PIWIL1: variants seen among roughly 807,000 people sequenced by gnomAD.
PIWIL1 encodes piwi-like protein 1.
A neutral mutation model predicts 114.4 loss-of-function variants in PIWIL1; 73 were observed. That is an observed-to-expected ratio of 0.64 (90% confidence interval 0.53 to 0.78). The LOEUF is 0.78. PIWIL1 is among the 30% of genes least tolerant of loss of function. The pLI, the probability that PIWIL1 is intolerant of heterozygous loss-of-function variation, is 0.00. For synonymous variants in PIWIL1, 375 were observed against 369.0 expected (o/e 1.02, Z -0.19); for missense variants, 723 against 1,063.1 (o/e 0.68, Z 4.45).
At chr12:130,401,573 T>A in the PIWIL1 span, among the ~76,000 whole-genome samples, 1,904 of 151,932 alleles carry the variant, frequency 0.013, 40 homozygotes, top group African/African-American at 0.043. Flanking sequence ...GGTCCTACTC[T>A]TATTTACCTG....
rs139297271 is a variant in PIWIL1, at chr12:130,337,923, G to T, written c.-236G>T. ...TATGGCGTACAGACACGAGGCCGGC[G>T]CCCGGGAGGCGGTGTTCATCCGCCC... On this transcript the variant is annotated 5_prime_UTR_variant, in exon 1 of 21. Transcript: ENST00000245255. 3.0e-3 allele frequency: 477 copies of T among 161,006 alleles called. 3 individuals carry two copies. Among genetic ancestry groups the T allele is most frequent in the African/African-American group, 0.011 (450 of 41,624 alleles). 10.0% of individuals were successfully genotyped at this position (161,006 alleles called of 1,614,324 possible).
In PIWIL1 at chr12:130,345,160, C is replaced by A. The variant is rs527916037; in HGVS notation, c.191-593C>A. ...CACAGCTTGTAGCACTAAGCATGAA[C>A]TGATTAATCACGACCTTATTACCTA... On this transcript the variant is annotated intron_variant, in intron 3 of 20. Coordinates refer to ENST00000245255, the MANE Select transcript of PIWIL1 (RefSeq NM_004764.5). 2.0e-5 allele frequency: 3 copies of A among 152,308 alleles called. No individual in the cohort carries two copies. The South Asian group carries it at 6.2e-4, about 32-fold the overall frequency. 9.4% of individuals were successfully genotyped at this position (152,308 alleles called of 1,614,324 possible).
At chr12:130,373,657 G>A (rs1177052338), downstream of PIWIL1, among the ~76,000 whole-genome samples, 1 of 152,186 alleles carries the variant, frequency 6.6e-6, no homozygotes, top group Non-Finnish European at 1.5e-5. Flanking sequence ...TCTCAGGGGA[G>A]AGGCCAGGTG....
chr12:130,418,463 T>A, the PIWIL1 span, among the ~76,000 whole-genome samples: 1 of 152,184 alleles, frequency 6.6e-6, no homozygotes, highest in African/African-American at 2.4e-5. Context: ...TGTGGCTGCA[T>A]GAGAAGGACG....
the PIWIL1 span, among the ~76,000 whole-genome samples, chr12:130,408,430 GAGA>G: frequency 6.6e-6 from 1 of 152,234 alleles, no homozygotes; most frequent in East Asian, 1.9e-4. Context: ...AGCGGCCGTA[GAGA>G]AGATCCCAGC....
the PIWIL1 span, among the ~76,000 whole-genome samples, chr12:130,388,280 C>A: frequency 3.3e-5 from 5 of 152,082 alleles, no homozygotes; most frequent in Admixed American, 3.3e-4. Flanking sequence ...TGCCTGGCTT[C>A]TTTTTTTCCA....
At chr12:130,415,855 T>C in the PIWIL1 span, among the ~76,000 whole-genome samples, 1 of 152,162 alleles carries the variant, frequency 6.6e-6, no homozygotes. Context: ...TTCAATAAAA[T>C]TTCAGGATAC....
At chr12:130,374,030 T>G (rs923307990), downstream of PIWIL1, among the ~76,000 whole-genome samples, 5 of 152,200 alleles carry the variant, frequency 3.3e-5, no homozygotes, top group African/African-American at 1.2e-4. Context: ...TGGTGGTTCC[T>G]GAAGGAACCC....
the PIWIL1 span, among the ~76,000 whole-genome samples, chr12:130,415,751 A>C: frequency 6.6e-6 from 1 of 152,192 alleles, no homozygotes; most frequent in African/African-American, 2.4e-5. Context: ...TATAGGAAAT[A>C]AGAAGTCAAA....
Position 130,371,515 on chromosome 12 carries a change from G to A in PIWIL1, c.2503G>A (p.Ala835Thr), listed in dbSNP as rs745487305. 6 of 1,613,948 alleles carry A rather than the reference G, an allele frequency of 3.7e-6. No homozygotes were observed. The highest frequency in any genetic ancestry group is 1.7e-5 in the Admixed American group (1 of 59,988). The change falls in exon 21 of 21, where the codon GCC (alanine) becomes ACC (threonine). Residue 835 changes from alanine to threonine, a missense_variant. Physicochemically the swap from Ala to Thr is moderately conservative, Grantham distance 58. Around this residue, in one of 8 missense-constraint regions of PIWIL1, gnomAD observed 106 missense variants for 182.8 expected, o/e 0.58. Coordinates refer to ENST00000245255, the MANE Select transcript of PIWIL1 (RefSeq NM_004764.5). ...TCGTGTTCCTGCTCCTTGCCAGTAC[G>A]CCCACAAGCTGGCTTTTCTTGTTGG... is the stretch of plus-strand genomic sequence containing the variant. ...VIRVPAPCQYAHKLAFLVGQS... is the reference protein window; with the variant it reads ...VIRVPAPCQYTHKLAFLVGQS...
At chr12:130,351,301 G>A (rs931491218) in intron 9 of PIWIL1, 1 of 152,188 alleles carries the variant, frequency 6.6e-6, no homozygotes, top group African/African-American at 2.4e-5. Flanking sequence ...TGTAAGTGGT[G>A]TTTTACGTGT....
At chr12:130,408,286 T>C in the PIWIL1 span, among the ~76,000 whole-genome samples, 1 of 152,226 alleles carries the variant, frequency 6.6e-6, no homozygotes, top group Non-Finnish European at 1.5e-5. Flanking sequence ...AATCAAGTCA[T>C]GCTCCCCTAA....
At chr12:130,416,776 C>T in the PIWIL1 span, among the ~76,000 whole-genome samples, 1 of 152,066 alleles carries the variant, frequency 6.6e-6, no homozygotes, top group Non-Finnish European at 1.5e-5. Context: ...ACAGAGTGAA[C>T]AACACCCTAC....
the PIWIL1 span, among the ~76,000 whole-genome samples, chr12:130,390,317 C>T: frequency 6.6e-6 from 1 of 152,172 alleles, no homozygotes; most frequent in Non-Finnish European, 1.5e-5. Flanking sequence ...AGAAGCAGTA[C>T]TGACTACCTT....
chr12:130,342,203 A>T (rs56357045), intron 1 of PIWIL1: 2,037 of 185,754 alleles, frequency 0.011, 21 homozygotes, highest in East Asian at 0.059. Flanking sequence ...TGTGTATGGG[A>T]GTATGTGTTA....
chr12:130,365,321 G>A (rs920897557), intron 18 of PIWIL1, among the ~76,000 whole-genome samples: 1 of 152,164 alleles, frequency 6.6e-6, no homozygotes, highest in Non-Finnish European at 1.5e-5. Flanking sequence ...TTCGTTTGTA[G>A]AAGAAGGGAA....
At chr12:130,371,361 G>T (rs1367029992) in intron 20 of PIWIL1, 38 bp downstream of exon 20, 2 of 1,612,964 alleles carry the variant, frequency 1.2e-6, no homozygotes, top group Non-Finnish European at 1.7e-6. Context: ...GCAAATAAAG[G>T]ACATTCACTT....
At chr12:130,421,364 A>T in the PIWIL1 span, among the ~76,000 whole-genome samples, 1 of 152,208 alleles carries the variant, frequency 6.6e-6, no homozygotes, top group Non-Finnish European at 1.5e-5. Context: ...TTAACATTGC[A>T]TGAAATTTTT....
At position 130,371,189 on chromosome 12, in the gene PIWIL1, A is replaced by G; in HGVS notation, c.2335A>G (p.Ile779Val). 1.2e-6 allele frequency: 2 copies of G among 1,613,950 alleles called. No homozygotes were observed. The highest frequency in any genetic ancestry group is 2.2e-5 in the South Asian group (2 of 90,988). ...VTRPEWYDFF[I>V]VSQAVRSGSV... ...CTGTAATTCCAGGTATGACTTTTTT[A>G]TCGTGAGCCAGGCTGTGAGAAGTGG... Residue 779 changes from isoleucine (I) to valine (V), a missense_variant, in exon 20 of 21, where the codon ATC becomes GTC. Physicochemically the swap from Ile to Val is conservative, Grantham distance 29. Transcript: ENST00000245255.
Sources: gnomAD v4.1 joint callset for allele counts (sites outside exome capture counted in the v4.1 genomes callset) on GRCh38, gnomAD v4.1.1 for gene constraint, gnomAD v4.1.1 regional missense constraint, MANE v1.5 for transcripts, NCBI Gene and HGNC (gene_info 2026-07-23, HGNC 2026-07-21) for gene names.